Variants in UTP20 observed in about 807,000 individuals in gnomAD.
The protein encoded by UTP20 is UTP20 small subunit processome component, also known as small subunit processome component 20 homolog.
UTP20 carries 164 observed loss-of-function variants against 329.5 expected under a neutral mutation model. That is an observed-to-expected ratio of 0.50 (90% CI 0.44 to 0.57). UTP20 has a LOEUF of 0.57. UTP20 is among the 20% of genes least tolerant of loss of function. The pLI is 0.00. For missense variants in UTP20, 3,055 were observed against 3,284.2 expected (o/e 0.93, Z 1.71); for synonymous variants, 1,151 against 1,159.3 (o/e 0.99, Z 0.14).
At chr12:101,380,747 C>A (rs1870618838) in intron 57 of UTP20, among the ~76,000 whole-genome samples, 1 of 151,642 alleles carries the variant, frequency 6.6e-6, no homozygotes, top group African/African-American at 2.4e-5. Context: ...GCCTGTAATC[C>A]CAGCTACTTG....
chr12:101,293,895 T>C (rs1052357778), intron 11 of UTP20, among the ~76,000 whole-genome samples: 3 of 152,194 alleles, frequency 2.0e-5, no homozygotes, highest in African/African-American at 7.2e-5. Context: ...TATTTTTTTT[T>C]AATCTTATTT....
chr12:101,291,573 A>G (rs1872155951), intron 8 of UTP20, 169 bp from the exon 9 acceptor site: 2 of 501,724 alleles, frequency 4.0e-6, no homozygotes, highest in African/African-American at 2.0e-5. Context: ...GACTTAGAAC[A>G]ATGCACTCAG....
chr12:101,295,324 A>G (rs1394119320), intron 11 of UTP20, among the ~76,000 whole-genome samples, 156 bp from the exon 12 acceptor site: 6 of 152,242 alleles, frequency 3.9e-5, no homozygotes, highest in Non-Finnish European at 7.3e-5. Flanking sequence ...GTTTTAAGAC[A>G]TGGCTGCACA....
chr12:101,370,534 A>G lies in UTP20; in HGVS notation c.6658A>G (p.Arg2220Gly), dbSNP rs1295621149. 1 of 1,613,816 alleles carries G rather than the reference A, an allele frequency of 6.2e-7. No individual in the cohort carries two copies. Among genetic ancestry groups the G allele is most frequent in the South Asian group, 1.1e-5 (1 of 90,932 alleles). ...YAEEDIYDTS[R>G]QATAFGLLKA... ...TGAGGAGGACATTTATGATACTTCA[A>G]GACAAGCCACTGCCTTTGGTCTTCT... Residue 2220 changes from arginine (R) to glycine (G), a missense_variant, in exon 50 of 62, where the codon AGA (arginine) becomes GGA (glycine). Arg to Gly is a moderately radical substitution (Grantham distance 125, BLOSUM62 -2). This residue lies in a region of UTP20 where 273 missense variants were observed against 363.1 expected (regional missense o/e 0.75). Transcript: ENST00000261637.
At chr12:101,365,738 T>A in intron 46 of UTP20, 113 bp downstream of exon 46, 2 of 803,574 alleles carry the variant, frequency 2.5e-6, no homozygotes, top group African/African-American at 1.8e-5. Flanking sequence ...CCACCTGAGT[T>A]CTCAGATGGT....
intron 14 of UTP20, among the ~76,000 whole-genome samples, chr12:101,300,887 G>A (rs1399231893): frequency 6.6e-6 from 1 of 152,132 alleles, no homozygotes; most frequent in Non-Finnish European, 1.5e-5. Flanking sequence ...ATTAGGACAA[G>A]TATTTTTACC....
chr12:101,323,546 A>C (rs528455631), intron 25 of UTP20, among the ~76,000 whole-genome samples: 10 of 152,246 alleles, frequency 6.6e-5, no homozygotes, highest in Non-Finnish European at 1.3e-4. Context: ...AAATGATATC[A>C]TGTTGTATGA....
chr12:101,312,879 G>T (rs1872840220), intron 21 of UTP20, among the ~76,000 whole-genome samples: 1 of 152,198 alleles, frequency 6.6e-6, no homozygotes, highest in South Asian at 2.1e-4. Flanking sequence ...CAGCACACCA[G>T]TGGTATTAAT....
intron 22 of UTP20, among the ~76,000 whole-genome samples, chr12:101,318,341 G>T (rs532630524): frequency 6.6e-6 from 1 of 152,268 alleles, no homozygotes; most frequent in East Asian, 1.9e-4. Context: ...ATCTCAATCT[G>T]ATATGCCCAT....
chr12:101,304,328 G>T (rs75500359), intron 15 of UTP20, among the ~76,000 whole-genome samples: 2,981 of 152,218 alleles, frequency 0.02, 61 homozygotes, highest in African/African-American at 0.052. Context: ...TCTCAAAAAG[G>T]GGTAGTGAAG....
chr12:101,281,674 C>G (rs987808873), intron 2 of UTP20, among the ~76,000 whole-genome samples: 3 of 152,156 alleles, frequency 2.0e-5, no homozygotes, highest in African/African-American at 7.2e-5. Context: ...TAACCATACT[C>G]TGACTCTGTC....
chr12:101,338,316 G>T (rs749624380), intron 30 of UTP20, 39 bp downstream of exon 30: 17 of 1,595,786 alleles, frequency 1.1e-5, no homozygotes, highest in Non-Finnish European at 1.5e-5. Flanking sequence ...TTAGACTTCT[G>T]CTGTAGCAAT....
At position 101,308,207 on chromosome 12, in the gene UTP20, A is replaced by T. The variant is rs1324301459; in HGVS notation, c.2018A>T (p.Gln673Leu). 6.2e-7 allele frequency: 1 copy of T among 1,611,238 alleles called. No individual in the cohort carries two copies. The highest frequency in any genetic ancestry group is 1.7e-5 in the Admixed American group (1 of 59,638). ...CAGGATGATGGGCTCTCAGAGCGGC[A>T]GTCTGTCTTTGCTATATTACGCCAG... ...SMEDDGLSER[Q>L]SVFAILRQAE... Residue 673 changes from glutamine (Q) to leucine (L), a missense_variant, in exon 18 of 62, where the codon CAG becomes CTG. By Grantham distance (113) the Gln-to-Leu change is moderately radical (BLOSUM62 -2). This residue lies in a region of UTP20 where 2,445 missense variants were observed against 2,575.5 expected (regional missense o/e 0.95). Coordinates refer to ENST00000261637, the MANE Select transcript of UTP20 (RefSeq NM_014503.3).
At chr12:101,283,970 A>G (rs1871878289) in intron 2 of UTP20, among the ~76,000 whole-genome samples, 1 of 150,974 alleles carries the variant, frequency 6.6e-6, no homozygotes, top group Non-Finnish European at 1.5e-5. Context: ...TTTCCAAAGA[A>G]CAGTTTAAGG....
intron 27 of UTP20, among the ~76,000 whole-genome samples, chr12:101,332,290 T>C (rs1868784082): frequency 6.6e-6 from 1 of 152,140 alleles, no homozygotes. Flanking sequence ...TGAGCCCAGA[T>C]TGTGCCATTG....
At chr12:101,300,479 A>T (rs116387175) in intron 14 of UTP20, among the ~76,000 whole-genome samples, 342 of 152,202 alleles carry the variant, frequency 2.2e-3, no homozygotes, top group African/African-American at 7.5e-3. Flanking sequence ...TTTCCTCTGC[A>T]TGGAGACCCT....
rs1384696485 is a variant in UTP20 at position 101,363,453 on chromosome 12, T to C, written c.5791-123T>C. ...CTAAAAGAAATTTCTTCCATCTAATTTGAGTCCAGTCCAACTTGCATTTCT... is the reference window on the plus strand; with the variant it reads ...CTAAAAGAAATTTCTTCCATCTAATCTGAGTCCAGTCCAACTTGCATTTCT... On this transcript the variant is annotated intron_variant, in intron 44 of 61. Coordinates refer to ENST00000261637, the MANE Select transcript of UTP20 (RefSeq NM_014503.3). The C allele has an allele frequency of 1.1e-5, 9 of 802,912 alleles. No individual in the cohort carries two copies. In the East Asian group the frequency reaches 1.7e-4, roughly 15 times the overall value. 49.7% of individuals were successfully genotyped at this position (802,912 alleles called of 1,614,324 possible).
rs377323138 is a variant in UTP20 at position 101,281,893 on chromosome 12, C to T, written c.126+697C>T. Among the ~76,000 whole-genome samples, 292 of 152,072 alleles carry T rather than the reference C, an allele frequency of 1.9e-3. 1 individual carries two copies. Among genetic ancestry groups the T allele is most frequent in the African/African-American group, 6.7e-3 (280 of 41,496 alleles). ...CTAATTTTTGCATTTTTAGTAGAGA[C>T]GGGGTTTTGACATGTTGGCCAGGAT... is the stretch of plus-strand genomic sequence containing the variant. On this transcript the variant is annotated intron_variant, in intron 2 of 61. Coordinates refer to ENST00000261637, the MANE Select transcript of UTP20 (RefSeq NM_014503.3).
At chr12:101,296,448 G>A (rs1872352781) in intron 12 of UTP20, among the ~76,000 whole-genome samples, 1 of 152,120 alleles carries the variant, frequency 6.6e-6, no homozygotes, top group Non-Finnish European at 1.5e-5. Flanking sequence ...GCGGACGCCT[G>A]TAGTCCTAGT....
Sources: gnomAD v4.1 joint callset for allele counts (sites outside exome capture counted in the v4.1 genomes callset) on GRCh38, gnomAD v4.1.1 for gene constraint, gnomAD v4.1.1 regional missense constraint, MANE v1.5 for transcripts, NCBI Gene and HGNC (gene_info 2026-07-23, HGNC 2026-07-21) for gene names.